DEPDC1B: variants seen among roughly 807,000 people sequenced by gnomAD.
The protein encoded by DEPDC1B is DEP domain containing 1B.
A neutral mutation model predicts 66.5 loss-of-function variants in DEPDC1B; 51 were observed. The observed-to-expected ratio is 0.77, with a 90% confidence interval of 0.61 to 0.97. The LOEUF is 0.97. Ranked by LOEUF, DEPDC1B falls within the 50% of genes least tolerant of loss-of-function variation. DEPDC1B has a pLI of 0.00. For missense variants in DEPDC1B, 552 were observed against 637.1 expected, an observed-to-expected ratio of 0.87 and a Z score of 1.44; for synonymous variants, 226 against 223.6, an observed-to-expected ratio of 1.01 and a Z score of -0.10.
At chr5:60,693,840 G>T (rs557788004) in intron 1 of DEPDC1B, among the ~76,000 whole-genome samples, 30 of 151,976 alleles carry the variant, frequency 2.0e-4, no homozygotes, top group African/African-American at 7.0e-4. Flanking sequence ...TACCGAAAAG[G>T]CATAATCAAG....
At chr5:60,667,157 T>C (rs1753860395) in intron 2 of DEPDC1B, among the ~76,000 whole-genome samples, 2 of 152,160 alleles carry the variant, frequency 1.3e-5, no homozygotes, top group Non-Finnish European at 2.9e-5. Context: ...AAAGAAAATA[T>C]ATCTCTCTGA....
intron 1 of DEPDC1B, among the ~76,000 whole-genome samples, chr5:60,697,978 T>G (rs1361477937): frequency 2.0e-5 from 3 of 152,170 alleles, no homozygotes; most frequent in Non-Finnish European, 4.4e-5. Flanking sequence ...AAGAAGTACC[T>G]CATACAATTC....
Position 60,667,826 on chromosome 5 carries a change from TAC to T in DEPDC1B, c.314+19134_314+19135del, listed in dbSNP as rs1456008788. Among the ~76,000 whole-genome samples, 819 of 115,530 alleles carry T rather than the reference TAC, an allele frequency of 7.1e-3. 37 individuals are homozygous for T. The highest frequency in any genetic ancestry group is 0.01 in the Non-Finnish European group (598 of 59,428). 75.8% of individuals were successfully genotyped at this position (115,530 alleles called of 152,430 possible). A position where few individuals can be genotyped will look rare whatever the true frequency, so the allele number is the denominator to read the frequency against. On this transcript the variant is annotated intron_variant, in intron 2 of 10. Coordinates refer to ENST00000265036, the MANE Select transcript of DEPDC1B (RefSeq NM_018369.3). Reference sequence around the variant, plus strand: ...ACATATATATAAAAAATGGATATTTTACATATATGTAAAAAATGGATATTTTA... The same window carrying T: ...ACATATATATAAAAAATGGATATTTTATATATGTAAAAAATGGATATTTTA...
chr5:60,619,032 A>G (rs182969946), intron 7 of DEPDC1B, among the ~76,000 whole-genome samples: 2,968 of 152,344 alleles, frequency 0.019, 96 homozygotes, highest in African/African-American at 0.067. Context: ...AACCAAAGAC[A>G]AAAACCACAT....
At chr5:60,679,028 A>G (rs1026843695) in intron 2 of DEPDC1B, among the ~76,000 whole-genome samples, 3 of 152,250 alleles carry the variant, frequency 2.0e-5, no homozygotes, top group Non-Finnish European at 4.4e-5. Context: ...TTTTATATTT[A>G]AATCTATGAT....
At chr5:60,603,675 G>A (rs1752250318) in intron 8 of DEPDC1B, 108 bp from the exon 9 acceptor site, 1 of 1,157,936 alleles carries the variant, frequency 8.6e-7, no homozygotes. Context: ...GGCACAGGGT[G>A]CATATTCTAC....
chr5:60,603,689 G>T, intron 8 of DEPDC1B, 122 bp from the exon 9 acceptor site: 1 of 982,630 alleles, frequency 1.0e-6, no homozygotes, highest in Admixed American at 3.6e-5. Context: ...ATTCTACCAA[G>T]AGTACCCAGC....
intron 7 of DEPDC1B, among the ~76,000 whole-genome samples, chr5:60,626,060 A>T (rs1035770618): frequency 6.6e-6 from 1 of 151,818 alleles, no homozygotes; most frequent in Admixed American, 6.6e-5. Context: ...TTGTATAGTC[A>T]CTAAGTTATA....
intron 2 of DEPDC1B, among the ~76,000 whole-genome samples, chr5:60,649,744 C>CA (rs899254936): frequency 2.0e-4 from 30 of 151,270 alleles, no homozygotes; most frequent in South Asian, 1.0e-3. Context: ...AATTTTTACA[C>CA]AAAAAAAAGA....
rs7709713 is a variant in DEPDC1B at position 60,659,297 on chromosome 5, T to C, written c.315-11764A>G. Among the ~76,000 whole-genome samples the C allele has an allele frequency of 7.3e-3, 1,101 of 151,804 alleles. 12 individuals carry two copies. The highest frequency in any genetic ancestry group is 0.021 in the African/African-American group (866 of 41,404). ...ACCCCCCGTAACATCTGGTGGCCCA[T>C]ATGGGGATTCTCCAAAGCAGTGAGT... On this transcript the variant is annotated intron_variant, in intron 2 of 10. Coordinates refer to ENST00000265036, the MANE Select transcript of DEPDC1B (RefSeq NM_018369.3).
At chr5:60,624,348 G>A (rs192489245) in intron 7 of DEPDC1B, among the ~76,000 whole-genome samples, 1 of 152,108 alleles carries the variant, frequency 6.6e-6, no homozygotes, top group African/African-American at 2.4e-5. Flanking sequence ...AACCCTACTT[G>A]GCCATGATGT....
chr5:60,599,507 C>T (rs111477074), intron 9 of DEPDC1B, among the ~76,000 whole-genome samples: 2,395 of 152,166 alleles, frequency 0.016, 26 homozygotes, highest in Non-Finnish European at 0.021. Context: ...ATTTCAATAA[C>T]AAAAAAAGCT....
intron 9 of DEPDC1B, among the ~76,000 whole-genome samples, chr5:60,601,832 G>A (rs985999693): frequency 6.6e-6 from 1 of 152,098 alleles, no homozygotes; most frequent in African/African-American, 2.4e-5. Flanking sequence ...AAGCCCACAT[G>A]TATTTTAATC....
intron 9 of DEPDC1B, among the ~76,000 whole-genome samples, chr5:60,602,200 G>A (rs1201146166): frequency 1.3e-5 from 2 of 151,786 alleles, no homozygotes; most frequent in South Asian, 2.1e-4. Flanking sequence ...AGGGAAGAGA[G>A]AGGGAAGAAA....
At chr5:60,598,020 G>C (rs915898964) in intron 10 of DEPDC1B, 106 bp from the exon 11 acceptor site, 30 of 962,264 alleles carry the variant, frequency 3.1e-5, no homozygotes, top group Non-Finnish European at 2.8e-5. Flanking sequence ...TCCTGTTTTT[G>C]TTTATTTTTG....
At chr5:60,693,033 T>C (rs1754581630) in intron 1 of DEPDC1B, among the ~76,000 whole-genome samples, 1 of 152,122 alleles carries the variant, frequency 6.6e-6, no homozygotes, top group Non-Finnish European at 1.5e-5. Context: ...GTGCTAGTAA[T>C]ATGATATTCC....
At chr5:60,687,674 C>T (rs531163166) in intron 1 of DEPDC1B, 7 of 159,358 alleles carry the variant, frequency 4.4e-5, no homozygotes, top group East Asian at 1.9e-4. Flanking sequence ...TACAGGCGCC[C>T]ACCACCATGC....
At chr5:60,602,819 G>T (rs1042845661) in intron 9 of DEPDC1B, among the ~76,000 whole-genome samples, 3 of 152,144 alleles carry the variant, frequency 2.0e-5, no homozygotes, top group African/African-American at 7.2e-5. Context: ...TAAGGGACTT[G>T]CCCAGAGTCA....
At chr5:60,687,827 CA>C in intron 1 of DEPDC1B, 2 of 206,724 alleles carry the variant, frequency 9.7e-6, no homozygotes, top group South Asian at 5.6e-5. Flanking sequence ...CACCCGGCCT[CA>C]AAAATAGAAA....
Sources: gnomAD v4.1 joint callset for allele counts (sites outside exome capture counted in the v4.1 genomes callset) on GRCh38, gnomAD v4.1.1 for gene constraint, MANE v1.5 for transcripts, NCBI Gene and HGNC (gene_info 2026-07-23, HGNC 2026-07-21) for gene names.